The following MYO6 variants were observed in gnomAD, a reference collection of about 807,000 sequenced individuals.
MYO6 encodes myosin VI, also known as unconventional myosin-VI.
A neutral mutation model predicts 178.7 loss-of-function variants in MYO6; 74 were observed. That is an observed-to-expected ratio of 0.41 (90% confidence interval 0.34 to 0.50). MYO6 has a LOEUF of 0.50. Among genes scored for constraint, MYO6 ranks in the 20% least tolerant of loss-of-function variants. MYO6 has a pLI of 0.09. For synonymous variants in MYO6, 477 were observed against 504.6 expected, an observed-to-expected ratio of 0.95 and a Z score of 0.73; for missense variants, 1,330 against 1,547.4, an observed-to-expected ratio of 0.86 and a Z score of 2.36.
intron 2 of MYO6, among the ~76,000 whole-genome samples, chr6:75,819,499 A>T (rs930898651): frequency 1.3e-5 from 2 of 152,226 alleles, no homozygotes; most frequent in African/African-American, 4.8e-5. Context: ...GTGGAAGTGT[A>T]GATGAGGGAG....
chr6:75,817,754 T>A, intron 2 of MYO6, 90 bp downstream of exon 2: 2 of 1,120,556 alleles, frequency 1.8e-6, no homozygotes, highest in Non-Finnish European at 2.7e-6. Context: ...CTTAATGAGG[T>A]AGATATTTGG....
chr6:75,767,598 C>A (rs1248192686), intron 1 of MYO6, among the ~76,000 whole-genome samples: 1 of 147,772 alleles, frequency 6.8e-6, no homozygotes, highest in African/African-American at 2.5e-5. Flanking sequence ...CAGCTCATTG[C>A]AGTCTCTGTC....
intron 3 of MYO6, among the ~76,000 whole-genome samples, chr6:75,823,944 A>G (rs1422410306): frequency 6.6e-6 from 1 of 152,238 alleles, no homozygotes; most frequent in East Asian, 1.9e-4. Flanking sequence ...AAAAAAATGT[A>G]GAATTCCCTT....
intron 1 of MYO6, among the ~76,000 whole-genome samples, chr6:75,813,672 C>T (rs1244293103): frequency 6.6e-6 from 1 of 152,212 alleles, no homozygotes; most frequent in Non-Finnish European, 1.5e-5. Context: ...AGCTCTCAGT[C>T]TCACCTGTGA....
chr6:75,770,663 C>A (rs909903588), intron 1 of MYO6, among the ~76,000 whole-genome samples: 2 of 152,068 alleles, frequency 1.3e-5, no homozygotes, highest in Admixed American at 1.3e-4. Flanking sequence ...TTTTAGTAGA[C>A]ATGGGGCTTC....
chr6:75,840,816 A>G lies in MYO6; in HGVS notation c.651+134A>G, dbSNP rs145705502. 1.3e-4 allele frequency: 98 copies of G among 727,258 alleles called. 2 individuals are homozygous for G. In the Admixed American group the frequency reaches 1.9e-3, roughly 14 times the overall value. 45.1% of individuals were successfully genotyped at this position (727,258 alleles called of 1,614,324 possible). The stretch of plus-strand genomic sequence containing the variant: ...TGTTACTTTAGATGGTTGCAGGAAT[A>G]TATGTGTCCACTATGACCATCTAAA... On this transcript the variant is annotated intron_variant, in intron 8 of 34. Coordinates refer to ENST00000369977, the MANE Select transcript of MYO6 (RefSeq NM_004999.4).
chr6:75,914,261 C>T lies in MYO6; in HGVS notation c.3638C>T (p.Pro1213Leu), dbSNP rs1423159820. The T allele has an allele frequency of 3.1e-6, 5 of 1,614,180 alleles. No homozygotes were observed. Among genetic ancestry groups the T allele is most frequent in the Non-Finnish European group, 4.2e-6 (5 of 1,180,032 alleles). ...CAAATGGAACTCCATCCTGACAAGC[C>T]ACCCATCCTACTTGTGGCTGGTGTG... ...ARQMELHPDKPPILLVAGKDD... is the reference protein window; with the variant it reads ...ARQMELHPDKLPILLVAGKDD... Residue 1213 changes from proline to leucine, a missense_variant, in exon 34 of 35, where the codon CCA becomes CTA. By Grantham distance (98) the Pro-to-Leu change is moderately conservative. This residue lies in a region of MYO6 where 601 missense variants were observed against 626.1 expected (regional missense o/e 0.96). Coordinates refer to ENST00000369977, the MANE Select transcript of MYO6 (RefSeq NM_004999.4).
rs1015065963 is a variant in MYO6 at position 75,881,801 on chromosome 6, C to T, written c.2399C>T (p.Ser800Leu). 4.8e-5 allele frequency: 77 copies of T among 1,613,646 alleles called. No homozygotes were observed. Among genetic ancestry groups the T allele is most frequent in the Non-Finnish European group, 6.4e-5 (76 of 1,179,822 alleles). Reference protein sequence around the residue: ...CSRWKKVQWCSLSVIKLKNKI... With the variant: ...CSRWKKVQWCLLSVIKLKNKI... ...CGCTGGAAGAAAGTTCAGTGGTGCTCACTCTCAGTCATCAAATGTAGGTGT... is the reference window on the plus strand; with the variant it reads ...CGCTGGAAGAAAGTTCAGTGGTGCTTACTCTCAGTCATCAAATGTAGGTGT... Residue 800 changes from serine to leucine, a missense_variant, in exon 23 of 35, where the codon TCA becomes TTA. Ser to Leu is a moderately radical substitution (Grantham distance 145, BLOSUM62 -2). Transcript: ENST00000369977.
intron 1 of MYO6, among the ~76,000 whole-genome samples, chr6:75,767,294 G>A (rs1778509673): frequency 6.6e-6 from 1 of 151,988 alleles, no homozygotes; most frequent in African/African-American, 2.4e-5. Context: ...CCAGAGTGTT[G>A]GGATTACAGC....
Position 75,755,221 on chromosome 6 carries a change from AG to A in MYO6, c.-48+5799del, listed in dbSNP as rs1777246615. ...GCACTCCAGTCTGGGTGACAGAGCA[AG>A]ATCCCGTCTCTAAATAAATAAATAC... On this transcript the variant is annotated intron_variant, in intron 1 of 34. Transcript: ENST00000369977. 2.0e-5 allele frequency among the ~76,000 whole-genome samples: 3 copies of A among 152,322 alleles called. No individual in the cohort carries two copies. The South Asian group carries it at 6.2e-4, about 32-fold the overall frequency.
intron 1 of MYO6, among the ~76,000 whole-genome samples, chr6:75,770,633 T>C (rs1765784209): frequency 6.6e-6 from 1 of 152,150 alleles, no homozygotes; most frequent in Non-Finnish European, 1.5e-5. Context: ...TGCACCACCA[T>C]GCCTGGCTAA....
intron 1 of MYO6, among the ~76,000 whole-genome samples, chr6:75,765,476 C>T (rs1485646487): frequency 6.6e-6 from 1 of 151,892 alleles, no homozygotes; most frequent in Non-Finnish European, 1.5e-5. Flanking sequence ...TGCATCTGGC[C>T]AAAAATAAAC....
intron 1 of MYO6, among the ~76,000 whole-genome samples, chr6:75,811,741 A>G (rs934414357): frequency 6.6e-6 from 1 of 152,136 alleles, no homozygotes; most frequent in African/African-American, 2.4e-5. Context: ...AATTACCACA[A>G]CTATTGTCTT....
chr6:75,763,068 C>T (rs1345547483), intron 1 of MYO6, among the ~76,000 whole-genome samples: 5 of 151,124 alleles, frequency 3.3e-5, no homozygotes, highest in African/African-American at 9.7e-5. Context: ...ACTCTGTTGC[C>T]CAGGCTGGAG....
At chr6:75,899,073 T>G (rs1460231410) in intron 30 of MYO6, among the ~76,000 whole-genome samples, 1 of 152,198 alleles carries the variant, frequency 6.6e-6, no homozygotes, top group Non-Finnish European at 1.5e-5. Context: ...AATTACCCCT[T>G]TACTATTTTA....
rs1226302355 is a variant in MYO6, at chr6:75,759,485, G to A, written c.-48+10062G>A. On this transcript the variant is annotated intron_variant, in intron 1 of 34. Transcript: ENST00000369977. ...GCTGCGGTTTTGAAGCAGGAGGGGC[G>A]TGAAGGGAGGTTCCCTGATCTCTCT... Among the ~76,000 whole-genome samples, 4 of 152,118 alleles carry A rather than the reference G, an allele frequency of 2.6e-5. No individual in the cohort carries two copies. In the South Asian group the frequency reaches 8.3e-4, roughly 32 times the overall value.
chr6:75,785,134 G>A (rs1767406735), intron 1 of MYO6, among the ~76,000 whole-genome samples: 1 of 152,152 alleles, frequency 6.6e-6, no homozygotes, highest in Non-Finnish European at 1.5e-5. Context: ...CTCAGGAAAA[G>A]GGAGAGAGAG....
intron 1 of MYO6, among the ~76,000 whole-genome samples, chr6:75,764,883 C>CAGCT (rs1270822609): frequency 6.6e-6 from 1 of 151,570 alleles, no homozygotes; most frequent in East Asian, 2.0e-4. Flanking sequence ...CCTGTAGTCC[C>CAGCT]AGCTACTCGG....
At chr6:75,807,134 C>T (rs1373184161) in intron 1 of MYO6, among the ~76,000 whole-genome samples, 2 of 152,172 alleles carry the variant, frequency 1.3e-5, no homozygotes. Context: ...ATTAATTTTC[C>T]TCCAGAATTT....
Sources: gnomAD v4.1 joint callset for allele counts (sites outside exome capture counted in the v4.1 genomes callset) on GRCh38, gnomAD v4.1.1 for gene constraint, gnomAD v4.1.1 regional missense constraint, MANE v1.5 for transcripts, NCBI Gene and HGNC (gene_info 2026-07-23, HGNC 2026-07-21) for gene names.